Variants in GREB1L observed in about 807,000 individuals in gnomAD.
GREB1L encodes the protein GREB1-like protein.
In GREB1L, 17 loss-of-function variants were observed where a neutral mutation model predicts 200.8. The ratio of observed to expected loss-of-function variants is 0.08; its 90% CI spans 0.06 to 0.13. The LOEUF (loss-of-function observed/expected upper bound fraction) is 0.13, where lower values mean the gene tolerates loss of function less well. Among genes scored for constraint, GREB1L ranks in the 10% least tolerant of loss-of-function variants. GREB1L has a pLI of 1.00. For missense variants in GREB1L, 1,657 were observed against 2,367.7 expected, an observed-to-expected ratio of 0.70 and a Z score of 6.23; for synonymous variants, 789 against 893.0, an observed-to-expected ratio of 0.88 and a Z score of 2.08.
intron 1 of GREB1L, among the ~76,000 whole-genome samples, chr18:21,281,108 C>A (rs2038261888): frequency 6.6e-6 from 1 of 152,234 alleles, no homozygotes; most frequent in South Asian, 2.1e-4. Context: ...AGTTGCCTGC[C>A]TGGAAGTGAA....
rs550944506 is a variant in GREB1L, at chr18:21,522,940, T to C, written c.*119T>C. ...TGTGGAGCAAAGTGCAACATATTTG[T>C]CTAAATTCTCCAAAGAACTCCCCAA... On this transcript the variant is annotated 3_prime_UTR_variant, in exon 33 of 33. Coordinates refer to ENST00000424526, the MANE Select transcript of GREB1L (RefSeq NM_001142966.3). 1.7e-5 allele frequency: 16 copies of C among 932,030 alleles called. No individual in the cohort carries two copies. The highest frequency in any genetic ancestry group is 1.5e-4 in the African/African-American group (9 of 59,842). The allele number at this position is 932,030 out of a possible 1,614,324, so 57.7% of individuals were successfully genotyped here.
chr18:21,297,549 A>G (rs1470756134), intron 1 of GREB1L, among the ~76,000 whole-genome samples: 2 of 152,184 alleles, frequency 1.3e-5, no homozygotes, highest in South Asian at 2.1e-4. Context: ...ACAGAGACAT[A>G]TAGAATGGAC....
chr18:21,262,280 CT>C (rs1052586303), intron 1 of GREB1L, among the ~76,000 whole-genome samples: 3 of 151,246 alleles, frequency 2.0e-5, no homozygotes, highest in Admixed American at 6.6e-5. Context: ...AAACACAGAT[CT>C]TTTTTTTTGC....
intron 1 of GREB1L, among the ~76,000 whole-genome samples, chr18:21,276,212 T>C (rs1180992346): frequency 2.0e-5 from 3 of 152,186 alleles, no homozygotes; most frequent in East Asian, 3.9e-4. Context: ...CTGATGACCT[T>C]CTTCTGCGAC....
Position 21,506,330 on chromosome 18 carries a change from G to A in GREB1L, c.4368+381G>A, listed in dbSNP as rs187430991. Among the ~76,000 whole-genome samples the A allele has an allele frequency of 9.7e-4, 148 of 152,188 alleles. No homozygotes were observed. The East Asian group carries it at 0.021, about 21-fold the overall frequency. ...GAAATGCTTGAACCTGGAAGGTAAA[G>A]GTTGCAGTGAGCCGAGACCACGCCA... is the stretch of plus-strand genomic sequence containing the variant. On this transcript the variant is annotated intron_variant, in intron 25 of 32. Transcript: ENST00000424526.
In GREB1L at chr18:21,490,123, A is replaced by G. The variant is rs745461204; in HGVS notation, c.2802A>G (p.Pro934=). The G allele has an allele frequency of 8.4e-6, 13 of 1,551,756 alleles. No homozygotes were observed. The South Asian group carries it at 1.5e-4, about 18-fold the overall frequency. ...CGTCACTCCGCGACCACAGCACACC[A>G]GAAACACTCAGCATTATGGATGACC... is the stretch of plus-strand genomic sequence containing the variant. ...TMASLRDHST[P]ETLSIMDDLI... Residue 934 remains proline (P), a synonymous_variant, in exon 19 of 33, where the codon CCA becomes CCG. Coordinates refer to ENST00000424526, the MANE Select transcript of GREB1L (RefSeq NM_001142966.3).
At chr18:21,455,319 A>AAC (rs10581600) in intron 15 of GREB1L, among the ~76,000 whole-genome samples, 37,613 of 150,368 alleles carry the variant, frequency 0.25, 5,392 homozygotes, top group Non-Finnish European at 0.34. Context: ...AGCTGAGGAA[A>AAC]ACACACACAC....
chr18:21,249,369 A>G (rs1186354433), intron 1 of GREB1L, among the ~76,000 whole-genome samples: 1 of 152,208 alleles, frequency 6.6e-6, no homozygotes, highest in Non-Finnish European at 1.5e-5. Flanking sequence ...CTCAGGCCCC[A>G]TCCCGAGCTT....
intron 1 of GREB1L, among the ~76,000 whole-genome samples, chr18:21,358,131 T>C (rs2039531261): frequency 6.6e-6 from 1 of 152,212 alleles, no homozygotes; most frequent in African/African-American, 2.4e-5. Flanking sequence ...CTTCAATTAA[T>C]GTTTTATAGT....
chr18:21,344,523 G>T (rs918531777), intron 1 of GREB1L, among the ~76,000 whole-genome samples: 30 of 152,348 alleles, frequency 2.0e-4, no homozygotes, highest in Admixed American at 3.9e-4. Context: ...TTGTACTGAG[G>T]TGATGCTCCT....
At chr18:21,445,007 C>T in intron 11 of GREB1L, among the ~76,000 whole-genome samples, 1 of 151,972 alleles carries the variant, frequency 6.6e-6, no homozygotes, top group Non-Finnish European at 1.5e-5. Flanking sequence ...CCCTTCACTT[C>T]CTCTATCTGA....
At chr18:21,463,495 A>G (rs544915508) in intron 15 of GREB1L, among the ~76,000 whole-genome samples, 1 of 152,270 alleles carries the variant, frequency 6.6e-6, no homozygotes, top group South Asian at 2.1e-4. Flanking sequence ...GGGAACTTCA[A>G]ATGTGAAATG....
Position 21,384,378 on chromosome 18 carries a change from C to T in GREB1L, c.330C>T (p.Ala110=). ...SPPIPYSQKP[A]PEGSCTTDGF... ...CAATTCCCTATTCACAAAAACCTGC[C>T]CCAGAAGGATCTTGCACTACAGATG... The change falls in exon 4 of 33, where the codon GCC becomes GCT. Residue 110 remains alanine (A), a synonymous_variant. Coordinates refer to ENST00000424526, the MANE Select transcript of GREB1L (RefSeq NM_001142966.3). 1.9e-6 allele frequency: 3 copies of T among 1,551,422 alleles called. No homozygotes were observed. The highest frequency in any genetic ancestry group is 2.6e-6 in the Non-Finnish European group (3 of 1,146,878).
intron 15 of GREB1L, among the ~76,000 whole-genome samples, chr18:21,472,085 C>A (rs1281124507): frequency 1.3e-5 from 2 of 152,198 alleles, no homozygotes. Context: ...AATTACCTTT[C>A]TCTCCACCTT....
intron 1 of GREB1L, among the ~76,000 whole-genome samples, chr18:21,357,112 T>G (rs745413405): frequency 6.6e-6 from 1 of 152,230 alleles, no homozygotes; most frequent in Non-Finnish European, 1.5e-5. Context: ...TGGAGTGCAG[T>G]GGCACAATCT....
intron 1 of GREB1L, among the ~76,000 whole-genome samples, chr18:21,283,877 A>G (rs888769442): frequency 7.9e-5 from 12 of 152,016 alleles, no homozygotes; most frequent in Non-Finnish European, 1.8e-4. Flanking sequence ...TTTTCCTATA[A>G]TCTTCCCTAC....
chr18:21,312,291 G>T (rs1216463223), intron 1 of GREB1L, among the ~76,000 whole-genome samples: 1 of 152,082 alleles, frequency 6.6e-6, no homozygotes, highest in Admixed American at 6.6e-5. Context: ...GAACATTCAC[G>T]TGCATGTGTC....
intron 1 of GREB1L, among the ~76,000 whole-genome samples, chr18:21,343,370 A>G (rs190539721): frequency 6.6e-6 from 1 of 152,246 alleles, no homozygotes; most frequent in Non-Finnish European, 1.5e-5. Context: ...TCTCTAGATT[A>G]TAACCCAATT....
intron 15 of GREB1L, among the ~76,000 whole-genome samples, chr18:21,456,819 C>T (rs1598872268): frequency 6.6e-6 from 1 of 152,176 alleles, no homozygotes; most frequent in Non-Finnish European, 1.5e-5. Flanking sequence ...ATTTTTCCTG[C>T]CCCTTCTCCA....
Sources: gnomAD v4.1 joint callset for allele counts (sites outside exome capture counted in the v4.1 genomes callset) on GRCh38, gnomAD v4.1.1 for gene constraint, MANE v1.5 for transcripts, NCBI Gene and HGNC (gene_info 2026-07-23, HGNC 2026-07-21) for gene names.